HS6ST3: variants seen among roughly 807,000 people sequenced by gnomAD.
HS6ST3 encodes the protein heparan-sulfate 6-O-sulfotransferase 3.
In HS6ST3, 12 loss-of-function variants were observed where a neutral mutation model predicts 36.7. The observed-to-expected ratio is 0.33, with a 90% CI of 0.21 to 0.53. The LOEUF (loss-of-function observed/expected upper bound fraction) is 0.53. Among genes scored for constraint, HS6ST3 ranks in the 20% least tolerant of loss-of-function variants. The probability of loss-of-function intolerance (pLI) is 0.95; values close to 1 mark genes in which losing one functional copy is unlikely to be tolerated. For synonymous variants in HS6ST3, 240 were observed against 257.5 expected, an observed-to-expected ratio of 0.93 and a Z score of 0.65; for missense variants, 584 against 640.9, an observed-to-expected ratio of 0.91 and a Z score of 0.96.
chr13:96,395,253 A>G (rs887919739), intron 1 of HS6ST3, among the ~76,000 whole-genome samples: 2 of 152,244 alleles, frequency 1.3e-5, no homozygotes, highest in African/African-American at 4.8e-5. Flanking sequence ...GGTATTTATT[A>G]GCATTACAGC....
At chr13:96,624,676 C>A (rs2056506177) in intron 1 of HS6ST3, among the ~76,000 whole-genome samples, 1 of 152,092 alleles carries the variant, frequency 6.6e-6, no homozygotes, top group Non-Finnish European at 1.5e-5. Context: ...TTAGTTCCCA[C>A]TTATAAGTGA....
chr13:96,201,496 A>G (rs2054341700), intron 1 of HS6ST3, among the ~76,000 whole-genome samples: 1 of 152,224 alleles, frequency 6.6e-6, no homozygotes, highest in Non-Finnish European at 1.5e-5. Context: ...GTTTTCTGCC[A>G]TTGCATGAAT....
chr13:96,530,173 A>ATT (rs1316079779), intron 1 of HS6ST3, among the ~76,000 whole-genome samples: 3 of 45,376 alleles, frequency 6.6e-5, no homozygotes, highest in African/African-American at 1.3e-4. Flanking sequence ...AATATGATGG[A>ATT]CTTGTTTTTG....
At chr13:96,471,489 A>G (rs1311714817) in intron 1 of HS6ST3, among the ~76,000 whole-genome samples, 1 of 152,154 alleles carries the variant, frequency 6.6e-6, no homozygotes, top group East Asian at 1.9e-4. Context: ...CATGAGCTGA[A>G]CAGGCACTCA....
At chr13:96,778,576 T>C (rs1190242619) in intron 1 of HS6ST3, among the ~76,000 whole-genome samples, 1 of 152,124 alleles carries the variant, frequency 6.6e-6, no homozygotes, top group Non-Finnish European at 1.5e-5. Context: ...AAAAAAATCA[T>C]CATCACTGGT....
chr13:96,504,869 A>G (rs903978385), intron 1 of HS6ST3, among the ~76,000 whole-genome samples: 2 of 152,188 alleles, frequency 1.3e-5, no homozygotes, highest in South Asian at 2.1e-4. Context: ...ACATAAAGCA[A>G]TACTACAATT....
intron 1 of HS6ST3, among the ~76,000 whole-genome samples, chr13:96,142,825 A>G (rs1163631829): frequency 6.6e-6 from 1 of 152,138 alleles, no homozygotes; most frequent in Non-Finnish European, 1.5e-5. Flanking sequence ...AAATCCTTCT[A>G]CTTATTAAAG....
chr13:96,183,966 G>T (rs76063910), intron 1 of HS6ST3, among the ~76,000 whole-genome samples: 1 of 152,080 alleles, frequency 6.6e-6, no homozygotes, highest in East Asian at 1.9e-4. Context: ...ACTTTGGGAG[G>T]CTGAGGTGGG....
chr13:96,242,006 C>G (rs974023701), intron 1 of HS6ST3, among the ~76,000 whole-genome samples: 1 of 151,702 alleles, frequency 6.6e-6, no homozygotes, highest in Non-Finnish European at 1.5e-5. Context: ...AGGATGGTCT[C>G]GATCTCCTGA....
intron 1 of HS6ST3, among the ~76,000 whole-genome samples, chr13:96,538,211 C>A (rs935225498): frequency 6.6e-6 from 1 of 152,208 alleles, no homozygotes; most frequent in Admixed American, 6.5e-5. Context: ...TAATGTGATT[C>A]ATGCAGAAAC....
At position 96,563,269 on chromosome 13, in the gene HS6ST3, A is replaced by G. The variant is rs375019054; in HGVS notation, c.708-269221A>G. On this transcript the variant is annotated intron_variant, in intron 1 of 1. Transcript: ENST00000376705. ...CTATTCCTGGTTAAATTGTGAGCCT[A>G]TTACACTTAAGTATATCATATCATA... is the stretch of plus-strand genomic sequence containing the variant. 3.9e-5 allele frequency among the ~76,000 whole-genome samples: 6 copies of G among 152,312 alleles called. No homozygotes were observed. In the South Asian group the frequency reaches 1.2e-3, roughly 32 times the overall value.
intron 1 of HS6ST3, among the ~76,000 whole-genome samples, chr13:96,318,411 A>C (rs2054986687): frequency 6.6e-6 from 1 of 152,180 alleles, no homozygotes; most frequent in Non-Finnish European, 1.5e-5. Flanking sequence ...AGCTGCCTGT[A>C]ATCCCAGCTA....
intron 1 of HS6ST3, among the ~76,000 whole-genome samples, chr13:96,731,139 C>T (rs958670907): frequency 4.6e-5 from 7 of 152,178 alleles, no homozygotes; most frequent in African/African-American, 1.7e-4. Flanking sequence ...ATACAATATA[C>T]CATCATTAAC....
intron 1 of HS6ST3, among the ~76,000 whole-genome samples, chr13:96,632,339 T>G (rs1327637842): frequency 2.0e-5 from 3 of 152,056 alleles, no homozygotes; most frequent in Non-Finnish European, 2.9e-5. Context: ...GTTTTTGTTT[T>G]TTTGTTTTTT....
At chr13:96,696,028 G>C (rs544748758) in intron 1 of HS6ST3, among the ~76,000 whole-genome samples, 30 of 152,294 alleles carry the variant, frequency 2.0e-4, no homozygotes, top group Non-Finnish European at 3.7e-4. Context: ...TCTCTCAGTG[G>C]ATGAGAGAGT....
At chr13:96,792,414 C>T (rs528225194) in intron 1 of HS6ST3, among the ~76,000 whole-genome samples, 47 of 151,954 alleles carry the variant, frequency 3.1e-4, no homozygotes, top group African/African-American at 1.1e-3. Flanking sequence ...TATCAGAACA[C>T]GTCCTATTTT....
intron 1 of HS6ST3, among the ~76,000 whole-genome samples, chr13:96,189,666 C>T (rs1009130830): frequency 2.0e-5 from 3 of 152,134 alleles, no homozygotes; most frequent in South Asian, 4.1e-4. Flanking sequence ...GCTTCTTGCT[C>T]ATGTTACTTG....
At chr13:96,765,060 C>CTTTTTTT (rs11423735) in intron 1 of HS6ST3, among the ~76,000 whole-genome samples, 13 of 93,908 alleles carry the variant, frequency 1.4e-4, no homozygotes, top group Non-Finnish European at 2.0e-4. Context: ...TTGTTTCTTT[C>CTTTTTTT]TTTTTTTTTT....
At chr13:96,691,905 A>G (rs1224343307) in intron 1 of HS6ST3, among the ~76,000 whole-genome samples, 1 of 152,122 alleles carries the variant, frequency 6.6e-6, no homozygotes, top group African/African-American at 2.4e-5. Context: ...ACAGTGATAG[A>G]AATTAAACAA....
Sources: gnomAD v4.1 joint callset for allele counts (sites outside exome capture counted in the v4.1 genomes callset) on GRCh38, gnomAD v4.1.1 for gene constraint, MANE v1.5 for transcripts, NCBI Gene and HGNC (gene_info 2026-07-23, HGNC 2026-07-21) for gene names.